The following TRAPPC9 variants were observed in gnomAD, a reference collection of about 807,000 sequenced individuals.
The protein encoded by TRAPPC9 is trafficking protein particle complex subunit 9, also known as IKK2 binding protein.
TRAPPC9 carries 83 observed loss-of-function variants against 124.0 expected under a neutral mutation model. The observed-to-expected ratio is 0.67, with a 90% CI of 0.56 to 0.80. TRAPPC9 has a LOEUF of 0.80. TRAPPC9 is among the 30% of genes least tolerant of loss of function. The pLI is 0.00. For missense variants in TRAPPC9, 1,302 were observed against 1,508.3 expected, an observed-to-expected ratio of 0.86 and a Z score of 2.27; for synonymous variants, 638 against 617.5, an observed-to-expected ratio of 1.03 and a Z score of -0.49.
intron 8 of TRAPPC9, among the ~76,000 whole-genome samples, chr8:140,366,229 C>T (rs934577378): frequency 5.9e-5 from 9 of 152,116 alleles, no homozygotes; most frequent in Middle Eastern, 3.2e-3. Context: ...GCAATGAACA[C>T]ACCTGTCCAT....
At chr8:139,853,335 T>A (rs190927030) in intron 21 of TRAPPC9, among the ~76,000 whole-genome samples, 1 of 152,184 alleles carries the variant, frequency 6.6e-6, no homozygotes, top group East Asian at 1.9e-4. Flanking sequence ...ATCAGAGGCA[T>A]TTTCCAAATC....
At chr8:140,203,331 G>A (rs1429396485) in intron 17 of TRAPPC9, among the ~76,000 whole-genome samples, 5 of 152,194 alleles carry the variant, frequency 3.3e-5, no homozygotes, top group Non-Finnish European at 7.3e-5. Context: ...CGTGATCTCT[G>A]GGCAGGAGGA....
intron 21 of TRAPPC9, among the ~76,000 whole-genome samples, chr8:139,852,150 T>G (rs1827515471): frequency 1.3e-5 from 2 of 152,238 alleles, no homozygotes; most frequent in African/African-American, 4.8e-5. Context: ...CTTTGCCTGC[T>G]GCCTTCCACA....
chr8:139,792,829 C>T (rs139358250), intron 21 of TRAPPC9, among the ~76,000 whole-genome samples: 17 of 152,332 alleles, frequency 1.1e-4, no homozygotes, highest in Admixed American at 5.9e-4. Context: ...ACATCCTACT[C>T]GTGCAGGGAC....
intron 19 of TRAPPC9, among the ~76,000 whole-genome samples, chr8:139,912,456 C>A (rs1831811739): frequency 6.6e-6 from 1 of 152,208 alleles, no homozygotes; most frequent in South Asian, 2.1e-4. Flanking sequence ...AAAGACCTGA[C>A]AAACATCTTT....
chr8:140,417,469 A>G (rs2069978684), intron 5 of TRAPPC9, among the ~76,000 whole-genome samples: 1 of 152,258 alleles, frequency 6.6e-6, no homozygotes, highest in South Asian at 2.1e-4. Flanking sequence ...AAAGCTCATC[A>G]TCACTGGTCA....
chr8:140,379,140 T>C (rs2132280300), intron 7 of TRAPPC9, among the ~76,000 whole-genome samples: 1 of 152,196 alleles, frequency 6.6e-6, no homozygotes, highest in East Asian at 1.9e-4. Flanking sequence ...GCTCAGTCCA[T>C]GGCCCAGCCT....
At chr8:139,739,820 C>T (rs1308895492) in intron 21 of TRAPPC9, among the ~76,000 whole-genome samples, 2 of 152,256 alleles carry the variant, frequency 1.3e-5, no homozygotes, top group South Asian at 2.1e-4. Flanking sequence ...GGCACTTGGC[C>T]GTCTCATTCA....
chr8:139,842,420 T>C (rs1826787708), intron 21 of TRAPPC9, among the ~76,000 whole-genome samples: 2 of 151,852 alleles, frequency 1.3e-5, no homozygotes, highest in Non-Finnish European at 2.9e-5. Flanking sequence ...ACAGCAAGAG[T>C]TTCTAAGGGA....
At chr8:140,009,753 C>G (rs1016458967) in intron 18 of TRAPPC9, among the ~76,000 whole-genome samples, 1 of 152,204 alleles carries the variant, frequency 6.6e-6, no homozygotes, top group Non-Finnish European at 1.5e-5. Context: ...GCACGTCCCC[C>G]CTGCTATGCT....
chr8:140,033,723 C>A (rs1840700184), intron 17 of TRAPPC9, among the ~76,000 whole-genome samples: 1 of 112,382 alleles, frequency 8.9e-6, no homozygotes, highest in Non-Finnish European at 1.7e-5. Context: ...GCTCTGTCGC[C>A]CAGGCTGGAG....
intron 20 of TRAPPC9, among the ~76,000 whole-genome samples, chr8:139,908,107 C>T (rs547825870): frequency 6.6e-6 from 1 of 152,264 alleles, no homozygotes; most frequent in South Asian, 2.1e-4. Flanking sequence ...CAATGAGGCC[C>T]TGGGAGGGGA....
At chr8:140,406,364 G>A (rs1347561111) in intron 5 of TRAPPC9, among the ~76,000 whole-genome samples, 1 of 152,162 alleles carries the variant, frequency 6.6e-6, no homozygotes, top group Non-Finnish European at 1.5e-5. Context: ...TCAATAGCAG[G>A]GAAAGCTGGG....
At chr8:140,185,279 G>A (rs1403253236) in intron 17 of TRAPPC9, among the ~76,000 whole-genome samples, 4 of 152,214 alleles carry the variant, frequency 2.6e-5, no homozygotes, top group Non-Finnish European at 4.4e-5. Flanking sequence ...CAGGACACAC[G>A]CACGTGGAGT....
intron 17 of TRAPPC9, among the ~76,000 whole-genome samples, chr8:140,036,509 A>G (rs1280606128): frequency 6.6e-6 from 1 of 152,148 alleles, no homozygotes; most frequent in Non-Finnish European, 1.5e-5. Context: ...AGAATGCACT[A>G]CCAGTTTACT....
chr8:139,753,783 G>A (rs950825765), intron 21 of TRAPPC9, among the ~76,000 whole-genome samples: 3 of 152,314 alleles, frequency 2.0e-5, no homozygotes, highest in Admixed American at 6.5e-5. Flanking sequence ...AAGGGTGACC[G>A]CGAGGATGAA....
At chr8:139,798,273 T>C (rs1275950362) in intron 21 of TRAPPC9, among the ~76,000 whole-genome samples, 1 of 152,260 alleles carries the variant, frequency 6.6e-6, no homozygotes, top group African/African-American at 2.4e-5. Context: ...GCTGCTATTG[T>C]AGATGGAAGT....
chr8:139,991,006 G>A (rs1837606576), intron 18 of TRAPPC9, among the ~76,000 whole-genome samples: 1 of 152,168 alleles, frequency 6.6e-6, no homozygotes, highest in South Asian at 2.1e-4. Flanking sequence ...CAGAGGTTTG[G>A]CGCTTGGAAA....
chr8:139,835,503 T>G lies in TRAPPC9; in HGVS notation c.3055+50376A>C, dbSNP rs1406653766. ...CGTGGATGCACGGATGGATGTCTAA[T>G]ATCTATTCATCTAGGTATCTATTTT... On this transcript the variant is annotated intron_variant, in intron 21 of 22. Coordinates refer to ENST00000438773, the MANE Select transcript of TRAPPC9 (RefSeq NM_001160372.4). Among the ~76,000 whole-genome samples, 3 of 152,302 alleles carry G rather than the reference T, an allele frequency of 2.0e-5. No homozygotes were observed. The East Asian group carries it at 5.8e-4, about 29-fold the overall frequency.
Sources: gnomAD v4.1 joint callset for allele counts (sites outside exome capture counted in the v4.1 genomes callset) on GRCh38, gnomAD v4.1.1 for gene constraint, MANE v1.5 for transcripts, NCBI Gene and HGNC (gene_info 2026-07-23, HGNC 2026-07-21) for gene names.